The following SLAIN2 variants were observed in gnomAD, a reference collection of about 807,000 sequenced individuals.
SLAIN2 encodes the protein SLAIN family member 2.
A neutral mutation model predicts 56.6 loss-of-function variants in SLAIN2; 31 were observed. That is an observed-to-expected ratio of 0.55 (90% CI 0.41 to 0.74). The LOEUF is 0.74. Among genes scored for constraint, SLAIN2 ranks in the 30% least tolerant of loss-of-function variants. The probability of loss-of-function intolerance (pLI) is 0.00; values close to 1 mark genes in which losing one functional copy is unlikely to be tolerated. For synonymous variants in SLAIN2, 317 were observed against 284.9 expected (o/e 1.11, Z -1.13); for missense variants, 777 against 754.2 (o/e 1.03, Z -0.35).
chr4:48,390,713 T>G (rs1260489974), intron 6 of SLAIN2, among the ~76,000 whole-genome samples: 3 of 152,234 alleles, frequency 2.0e-5, no homozygotes, highest in Non-Finnish European at 2.9e-5. Context: ...AGGAAAAATG[T>G]TTTTATATAT....
chr4:48,375,073 T>C (rs1715769430), intron 2 of SLAIN2, among the ~76,000 whole-genome samples: 1 of 152,154 alleles, frequency 6.6e-6, no homozygotes. Flanking sequence ...AGATAATAAT[T>C]GATGTATGAT....
chr4:48,344,543 C>T (rs1049923552), intron 1 of SLAIN2, among the ~76,000 whole-genome samples: 2 of 152,142 alleles, frequency 1.3e-5, no homozygotes, highest in African/African-American at 2.4e-5. Context: ...AAACAGTTTT[C>T]TTTAATGCTG....
intron 6 of SLAIN2, among the ~76,000 whole-genome samples, chr4:48,400,468 C>T (rs1483697892): frequency 7.2e-6 from 1 of 138,316 alleles, no homozygotes; most frequent in Non-Finnish European, 1.5e-5. Context: ...ATAATCTTGG[C>T]TCACTGCAAG....
intron 6 of SLAIN2, among the ~76,000 whole-genome samples, chr4:48,417,752 C>T (rs924029442): frequency 6.8e-6 from 1 of 147,000 alleles, no homozygotes; most frequent in African/African-American, 2.5e-5. Flanking sequence ...ACAAAAACCA[C>T]ATGATTATCT....
chr4:48,393,921 G>A (rs1716296302), intron 6 of SLAIN2, among the ~76,000 whole-genome samples: 1 of 152,098 alleles, frequency 6.6e-6, no homozygotes, highest in South Asian at 2.1e-4. Context: ...TTAAAAGGTA[G>A]AGATGGTCTG....
At chr4:48,352,341 CCATCA>C (rs1715035849) in intron 1 of SLAIN2, among the ~76,000 whole-genome samples, 1 of 152,124 alleles carries the variant, frequency 6.6e-6, no homozygotes, top group African/African-American at 2.4e-5. Flanking sequence ...TGCATGAAAA[CCATCA>C]CATCACATCA....
At chr4:48,364,718 A>G (rs1413567482) in intron 1 of SLAIN2, among the ~76,000 whole-genome samples, 1 of 134,250 alleles carries the variant, frequency 7.4e-6, no homozygotes, top group Non-Finnish European at 1.7e-5. Flanking sequence ...CACCAAAACC[A>G]GTCAGGCGTG....
chr4:48,410,607 C>T (rs572716820), intron 6 of SLAIN2, among the ~76,000 whole-genome samples: 2 of 152,274 alleles, frequency 1.3e-5, no homozygotes, highest in African/African-American at 2.4e-5. Context: ...TTTCTGCAGC[C>T]CTTCCCTTCC....
At chr4:48,370,427 A>G (rs1326319177) in intron 2 of SLAIN2, among the ~76,000 whole-genome samples, 2 of 152,210 alleles carry the variant, frequency 1.3e-5, no homozygotes, top group Non-Finnish European at 2.9e-5. Context: ...TCACTGCATT[A>G]TTTGACTTGT....
chr4:48,384,275 T>C (rs1175929437), intron 6 of SLAIN2, among the ~76,000 whole-genome samples: 1 of 152,194 alleles, frequency 6.6e-6, no homozygotes, highest in Non-Finnish European at 1.5e-5. Flanking sequence ...CAAAGTTGAA[T>C]TGTTGAAGTT....
chr4:48,420,749 T>TTGA (rs1717125033), intron 7 of SLAIN2, among the ~76,000 whole-genome samples: 1 of 152,182 alleles, frequency 6.6e-6, no homozygotes, highest in Admixed American at 6.5e-5. Flanking sequence ...TCATTTCGAA[T>TTGA]ATAATTATAT....
intron 1 of SLAIN2, among the ~76,000 whole-genome samples, chr4:48,359,672 A>C (rs1328272646): frequency 2.0e-5 from 3 of 152,216 alleles, no homozygotes; most frequent in Non-Finnish European, 4.4e-5. Context: ...ATATTTGTAC[A>C]TTTCCATATT....
chr4:48,414,459 C>T (rs1432490424), intron 6 of SLAIN2, among the ~76,000 whole-genome samples: 5 of 151,738 alleles, frequency 3.3e-5, no homozygotes, highest in Non-Finnish European at 7.4e-5. Context: ...ATTTATTACT[C>T]GTTTGCTCTT....
intron 6 of SLAIN2, chr4:48,394,614 A>G: frequency 6.5e-7 from 1 of 1,535,984 alleles, no homozygotes; most frequent in Non-Finnish European, 8.7e-7. Flanking sequence ...CACTTCCCTC[A>G]AAGCCAAACA....
At chr4:48,353,306 A>G (rs1238303526) in intron 1 of SLAIN2, among the ~76,000 whole-genome samples, 2 of 152,174 alleles carry the variant, frequency 1.3e-5, no homozygotes, top group African/African-American at 2.4e-5. Flanking sequence ...TGGTCACCCA[A>G]GAAGTAATCA....
In SLAIN2 at chr4:48,341,530, A is replaced by G. The variant is rs1486987527; in HGVS notation, c.-210A>G. The G allele has an allele frequency of 1.9e-5, 12 of 641,454 alleles. No individual in the cohort carries two copies. Among genetic ancestry groups the G allele is most frequent in the Middle Eastern group, 4.6e-4 (1 of 2,174 alleles). The allele number at this position is 641,454 out of a possible 1,614,324, so 39.7% of individuals were successfully genotyped here. ...CCGGATATTGGCGCCGCCTCCCCCA[A>G]TCCCGGAGCCGGCGCAGATGAGGCA... On this transcript the variant is annotated 5_prime_UTR_variant, in exon 1 of 8. Coordinates refer to ENST00000264313, the MANE Select transcript of SLAIN2 (RefSeq NM_020846.2).
chr4:48,384,470 T>G (rs1352665080), intron 6 of SLAIN2, among the ~76,000 whole-genome samples: 1 of 152,192 alleles, frequency 6.6e-6, no homozygotes, highest in Non-Finnish European at 1.5e-5. Flanking sequence ...CTAATCCTAC[T>G]TATAGATTAA....
chr4:48,401,307 TG>T (rs766801544), intron 6 of SLAIN2, among the ~76,000 whole-genome samples: 3 of 152,320 alleles, frequency 2.0e-5, no homozygotes, highest in Admixed American at 1.3e-4. Flanking sequence ...AATTCAGAGC[TG>T]GGTTCAGGTC....
chr4:48,342,014 G>A lies in SLAIN2; in HGVS notation c.275G>A (p.Arg92Gln), dbSNP rs937573365. The A allele has an allele frequency of 2.8e-6, 4 of 1,418,020 alleles. No individual in the cohort carries two copies. In the African/African-American group the frequency reaches 4.5e-5, roughly 16 times the overall value. The allele number at this position is 1,418,020 out of a possible 1,614,324, so 87.8% of individuals were successfully genotyped here. A position where few individuals can be genotyped will look rare whatever the true frequency, so the allele number is the denominator to read the frequency against. Residue 92 changes from arginine to glutamine, a missense_variant, in exon 1 of 8, where the codon CGG becomes CAG. Arg to Gln is a conservative substitution (Grantham distance 43). Transcript: ENST00000264313. Reference protein sequence around the residue: ...GPRRTSSEELRDATSLLAAGE... With the variant: ...GPRRTSSEELQDATSLLAAGE... ...AGGCGGACGAGTAGCGAAGAGCTGC[G>A]GGACGCCACCTCCTTGCTAGCGGCG...
Sources: gnomAD v4.1 joint callset for allele counts (sites outside exome capture counted in the v4.1 genomes callset) on GRCh38, gnomAD v4.1.1 for gene constraint, MANE v1.5 for transcripts, NCBI Gene and HGNC (gene_info 2026-07-23, HGNC 2026-07-21) for gene names.